Variants in NQO2 observed in about 807,000 individuals in gnomAD.
NQO2 encodes N-ribosyldihydronicotinamide:quinone dehydrogenase 2.
Under a neutral mutation model 22.0 loss-of-function variants are expected in NQO2, and 18 were observed. The ratio of observed to expected loss-of-function variants is 0.82; its 90% CI spans 0.56 to 1.21. The LOEUF (loss-of-function observed/expected upper bound fraction) is 1.21, where lower values mean the gene tolerates loss of function less well. Among genes scored for constraint, NQO2 ranks in the 50% most tolerant of loss-of-function variants. NQO2 has a pLI of 0.00. For missense variants in NQO2, 267 were observed against 286.9 expected, an observed-to-expected ratio of 0.93 and a Z score of 0.50; for synonymous variants, 106 against 110.8, an observed-to-expected ratio of 0.96 and a Z score of 0.28.
intron 1 of NQO2, chr6:3,004,631 C>T (rs1477193282): frequency 1.0e-6 from 1 of 985,500 alleles, no homozygotes; most frequent in South Asian, 4.7e-5. Flanking sequence ...CATTCAGGCC[C>T]TGCTCAAGAT....
chr6:3,006,803 C>T lies in NQO2; in HGVS notation c.7+244C>T, dbSNP rs993971698. 2 of 462,918 alleles carry T rather than the reference C, an allele frequency of 4.3e-6. No homozygotes were observed. The highest frequency in any genetic ancestry group is 4.0e-5 in the African/African-American group (2 of 49,410). 28.7% of individuals were successfully genotyped at this position (462,918 alleles called of 1,614,324 possible). A position where few individuals can be genotyped will look rare whatever the true frequency, so the allele number is the denominator to read the frequency against. ...TTCTCACTTGTTTCATTGTTCCTTT[C>T]GACTCCCTCCAGAATTTAGGTTCCT... On this transcript the variant is annotated intron_variant, in intron 2 of 6. Coordinates refer to ENST00000380455, the MANE Select transcript of NQO2 (RefSeq NM_000904.6). This position sits in a 1 kb window ranked among gnomAD's most constrained non-coding sequence, Gnocchi z 4.0.
chr6:3,006,405 TGTG>T lies in NQO2; in HGVS notation c.-85-60_-85-58del, dbSNP rs1350058339. The T allele has an allele frequency of 1.3e-6, 2 of 1,486,368 alleles. No homozygotes were observed. The highest frequency in any genetic ancestry group is 5.3e-5 in the Admixed American group (2 of 37,912). 92.1% of individuals were successfully genotyped at this position (1,486,368 alleles called of 1,614,324 possible). On this transcript the variant is annotated intron_variant, in intron 1 of 6. Coordinates refer to ENST00000380455, the MANE Select transcript of NQO2 (RefSeq NM_000904.6). This position sits in a 1 kb window ranked among gnomAD's most constrained non-coding sequence, Gnocchi z 4.0. ...TCAGGAAGCAGCAGTGATGCCTAGA[TGTG>T]GTACATTCGACCTCACCTATGCCTC...
intron 4 of NQO2, chr6:3,015,214 C>T: frequency 2.2e-6 from 3 of 1,369,842 alleles, no homozygotes; most frequent in Non-Finnish European, 2.9e-6. Flanking sequence ...CTGGCTTGAT[C>T]ACAGACTGCT....
In NQO2 at chr6:3,016,970, C is replaced by T; in HGVS notation, c.504C>T (p.Phe168=). The T allele has an allele frequency of 6.2e-7, 1 of 1,613,948 alleles. No homozygotes were observed. Among genetic ancestry groups the T allele is most frequent in the African/African-American group, 1.3e-5 (1 of 75,046 alleles). ...KTGVNGDSRY[F]LWPLQHGTLH... ...GAGTCAATGGAGATTCTCGATACTT[C>T]CTGTGGCCACTCCAGGTAGACCAGC... Residue 168 remains phenylalanine, a synonymous_variant, in exon 6 of 7, where the codon TTC becomes TTT. Transcript: ENST00000380455.
chr6:3,004,236 G>C, intron 1 of NQO2: 2 of 683,138 alleles, frequency 2.9e-6, no homozygotes, highest in Middle Eastern at 7.4e-4. Context: ...ACCTGTACAC[G>C]TGGATTCCTG....
At position 3,002,192 on chromosome 6, in the gene NQO2, C is replaced by G. The variant is rs1756755249; in HGVS notation, c.-86+2107C>G. On this transcript the variant is annotated intron_variant, in intron 1 of 6. Transcript: ENST00000380455. ...CCTGTCTAGAGGAGTGAAAATGAAG[C>G]ATTTCATACAAACAACATGATTTCG... 4.1e-6 allele frequency: 4 copies of G among 985,216 alleles called. No individual in the cohort carries two copies. The Admixed American group carries it at 1.8e-4, about 45-fold the overall frequency. The allele number at this position is 985,216 out of a possible 1,614,324, so 61.0% of individuals were successfully genotyped here. A position where few individuals can be genotyped will look rare whatever the true frequency, so the allele number is the denominator to read the frequency against.
chr6:3,019,493 C>T lies in NQO2; in HGVS notation c.534C>T (p.His178=). The change falls in exon 7 of 7, where the codon CAC becomes CAT. Residue 178 remains histidine, a synonymous_variant. Transcript: ENST00000380455. ...FLWPLQHGTL[H]FCGFKVLAPQ... is the part of the protein sequence containing the mutation. ...TGTGGCTTTAGCATGGCACATTACA[C>T]TTCTGTGGATTTAAAGTCCTTGCCC... is the stretch of plus-strand genomic sequence containing the variant. The T allele has an allele frequency of 1.2e-6, 2 of 1,613,826 alleles. No individual in the cohort carries two copies. Among genetic ancestry groups the T allele is most frequent in the East Asian group, 2.2e-5 (1 of 44,890 alleles).
At chr6:3,011,258 G>A (rs1561714178) in intron 3 of NQO2, among the ~76,000 whole-genome samples, 1 of 152,176 alleles carries the variant, frequency 6.6e-6, no homozygotes, top group African/African-American at 2.4e-5. Context: ...TTTACAAAGA[G>A]ATTGAAATAA....
chr6:3,016,746 TG>T, intron 5 of NQO2, 137 bp from the exon 6 acceptor site: 1 of 1,470,276 alleles, frequency 6.8e-7, no homozygotes, highest in East Asian at 2.5e-5. Flanking sequence ...TGGATGGGAG[TG>T]TTGCATTTGT....
chr6:3,016,719 G>T, intron 5 of NQO2, 165 bp from the exon 6 acceptor site: 1 of 980,674 alleles, frequency 1.0e-6, no homozygotes, highest in Non-Finnish European at 1.2e-6. Context: ...CTCCTCTTGG[G>T]ATGTCATTGT....
At chr6:3,001,594 A>T (rs1319393825) in intron 1 of NQO2, among the ~76,000 whole-genome samples, 2 of 152,222 alleles carry the variant, frequency 1.3e-5, no homozygotes, top group Non-Finnish European at 2.9e-5. Context: ...GTATGCAGGC[A>T]ATGGTTTAGC....
chr6:3,005,722 T>G, intron 1 of NQO2: 1 of 985,244 alleles, frequency 1.0e-6, no homozygotes, highest in South Asian at 4.7e-5. Context: ...GGCCAAAGGC[T>G]CCCCTGGGGA....
chr6:3,014,798 TGTGAGCTGTGAACTATTA>T lies in NQO2; in HGVS notation c.304-729_304-712del, dbSNP rs572867103. Among the ~76,000 whole-genome samples the T allele has an allele frequency of 1.4e-3, 218 of 152,302 alleles. 1 individual carries two copies. Among genetic ancestry groups the T allele is most frequent in the African/African-American group, 5.0e-3 (209 of 41,566 alleles). On this transcript the variant is annotated intron_variant, in intron 4 of 6. Transcript: ENST00000380455. ...TGTCTTCGAATCCTCACCAGGATGCTGTGAGCTGTGAACTATTAGTAGCCCTATTTGATGAATCAGGAA... is the reference window on the plus strand; with the variant it reads ...TGTCTTCGAATCCTCACCAGGATGCTGTAGCCCTATTTGATGAATCAGGAA...
chr6:3,012,728 CT>C, intron 4 of NQO2, 54 bp downstream of exon 4: 1 of 1,553,936 alleles, frequency 6.4e-7, no homozygotes, highest in Non-Finnish European at 8.8e-7. Flanking sequence ...TGTACAAACT[CT>C]TTCTGAATAT....
At chr6:3,009,760 A>G (rs1230639692) in intron 2 of NQO2, 1 of 197,402 alleles carries the variant, frequency 5.1e-6, no homozygotes, top group Non-Finnish European at 9.1e-6. Flanking sequence ...CCAGCTAGTC[A>G]GGAGACTGAG....
intron 1 of NQO2, among the ~76,000 whole-genome samples, chr6:3,000,714 T>G (rs1756658071): frequency 6.6e-6 from 1 of 151,272 alleles, no homozygotes; most frequent in Non-Finnish European, 1.5e-5. Context: ...GCTAATTTTT[T>G]GTATGTTTAG....
At chr6:3,014,982 A>G (rs571607278) in intron 4 of NQO2, 2 of 744,794 alleles carry the variant, frequency 2.7e-6, no homozygotes, top group South Asian at 3.0e-5. Flanking sequence ...GTAACAGATG[A>G]TTGCCTATGT....
chr6:3,016,159 A>C (rs1225992568), intron 5 of NQO2, among the ~76,000 whole-genome samples: 1 of 152,200 alleles, frequency 6.6e-6, no homozygotes, highest in Admixed American at 6.5e-5. Context: ...GGCTGGGTGC[A>C]GTGGCTCACG....
intron 1 of NQO2, chr6:3,002,120 G>A (rs1756753357): frequency 1.4e-6 from 1 of 728,360 alleles, no homozygotes; most frequent in African/African-American, 1.9e-5. Context: ...ACTGGGCCAA[G>A]GAATACAAAA....
Sources: allele counts gnomAD v4.1 joint callset (sites outside exome capture counted in the v4.1 genomes callset), GRCh38; gene constraint gnomAD v4.1.1; non-coding constraint Gnocchi (gnomAD v3.1); transcripts MANE v1.5; gene names NCBI Gene and HGNC (gene_info 2026-07-23, HGNC 2026-07-21).